Variants in CDH8 observed in about 807,000 individuals in gnomAD.
CDH8 encodes cadherin-8.
Under a neutral mutation model 68.1 loss-of-function variants are expected in CDH8, and 17 were observed. The ratio of observed to expected loss-of-function variants is 0.25; its 90% CI spans 0.17 to 0.37. The LOEUF (loss-of-function observed/expected upper bound fraction) is 0.37, where lower values mean the gene tolerates loss of function less well. CDH8 is among the 10% of genes least tolerant of loss of function. The pLI is 1.00. For missense variants in CDH8, 763 were observed against 999.3 expected (o/e 0.76, Z 3.19); for synonymous variants, 372 against 365.1 (o/e 1.02, Z -0.21).
At chr16:61,964,877 C>A (rs1965220229) in intron 2 of CDH8, among the ~76,000 whole-genome samples, 1 of 152,042 alleles carries the variant, frequency 6.6e-6, no homozygotes, top group Admixed American at 6.6e-5. Context: ...TGTTTAAAAT[C>A]TTTTGATTGC....
At chr16:61,738,962 C>T (rs1959785458) in intron 8 of CDH8, among the ~76,000 whole-genome samples, 1 of 152,044 alleles carries the variant, frequency 6.6e-6, no homozygotes, top group Admixed American at 6.6e-5. Context: ...TATTTCTATC[C>T]TGTTTACATA....
At chr16:61,980,110 T>C (rs1965505811) in intron 2 of CDH8, among the ~76,000 whole-genome samples, 1 of 152,188 alleles carries the variant, frequency 6.6e-6, no homozygotes, top group South Asian at 2.1e-4. Flanking sequence ...CACAGGGTTC[T>C]ACAGGGAAGA....
intron 8 of CDH8, among the ~76,000 whole-genome samples, chr16:61,766,088 C>T (rs1960582325): frequency 6.6e-6 from 1 of 151,782 alleles, no homozygotes; most frequent in African/African-American, 2.4e-5. Context: ...GCAACCATCA[C>T]CCAAGTAGTG....
chr16:62,010,653 T>C (rs1324642207), intron 2 of CDH8, among the ~76,000 whole-genome samples: 2 of 152,138 alleles, frequency 1.3e-5, no homozygotes, highest in Non-Finnish European at 2.9e-5. Flanking sequence ...TCTTTTTCTC[T>C]TGGGGGTAGG....
At chr16:61,675,898 TA>T (rs1326405706) in intron 10 of CDH8, among the ~76,000 whole-genome samples, 2 of 151,126 alleles carry the variant, frequency 1.3e-5, no homozygotes, top group Non-Finnish European at 3.0e-5. Context: ...TTAATAATAA[TA>T]AAAGAGCTAT....
At chr16:62,033,171 T>A (rs1429235779) in intron 1 of CDH8, among the ~76,000 whole-genome samples, 1 of 149,596 alleles carries the variant, frequency 6.7e-6, no homozygotes, top group South Asian at 2.1e-4. Flanking sequence ...CAGCTGAGCA[T>A]TCCTGGGCTG....
At chr16:62,014,595 C>T (rs1364372074) in intron 2 of CDH8, among the ~76,000 whole-genome samples, 3 of 152,228 alleles carry the variant, frequency 2.0e-5, no homozygotes, top group East Asian at 1.9e-4. Flanking sequence ...TCGCAGACAC[C>T]GTAAACTGTA....
At chr16:61,689,040 A>G (rs185727294) in intron 10 of CDH8, among the ~76,000 whole-genome samples, 3 of 152,140 alleles carry the variant, frequency 2.0e-5, no homozygotes, top group South Asian at 4.1e-4. Flanking sequence ...TTAACAGCCT[A>G]AAGTATAGAA....
At chr16:61,968,041 C>T (rs1045037872) in intron 2 of CDH8, among the ~76,000 whole-genome samples, 1 of 152,096 alleles carries the variant, frequency 6.6e-6, no homozygotes, top group Non-Finnish European at 1.5e-5. Context: ...AACTCCTGAC[C>T]TTGGGCGATC....
intron 10 of CDH8, among the ~76,000 whole-genome samples, chr16:61,707,616 G>T (rs183576632): frequency 2.0e-5 from 3 of 152,208 alleles, no homozygotes; most frequent in Admixed American, 2.0e-4. Context: ...GCACTTGGTA[G>T]GTGTTACTCA....
intron 8 of CDH8, among the ~76,000 whole-genome samples, chr16:61,730,576 TGTAAAGAATATCATG>T (rs1447615401): frequency 6.6e-6 from 1 of 151,624 alleles, no homozygotes; most frequent in Non-Finnish European, 1.5e-5. Flanking sequence ...TTTTTATAGC[TGTAAAGAATATCATG>T]GTACACAAAT....
chr16:61,721,125 C>A (rs1309903034), intron 9 of CDH8, among the ~76,000 whole-genome samples: 1 of 150,500 alleles, frequency 6.6e-6, no homozygotes, highest in Admixed American at 6.6e-5. Flanking sequence ...TATATATTCA[C>A]TTTGCTTTGC....
At chr16:61,960,053 A>G (rs867922985) in intron 2 of CDH8, among the ~76,000 whole-genome samples, 3 of 125,948 alleles carry the variant, frequency 2.4e-5, no homozygotes, top group South Asian at 2.7e-4. Context: ...ATATGTATGT[A>G]TGTGTGTGTG....
rs1232356964 is a variant in CDH8 at position 61,919,145 on chromosome 16, C to T, written c.253-17672G>A. Among the ~76,000 whole-genome samples the T allele has an allele frequency of 2.1e-5, 3 of 145,180 alleles. 1 individual carries two copies. Among genetic ancestry groups the T allele is most frequent in the Non-Finnish European group, 4.5e-5 (3 of 66,830 alleles). On this transcript the variant is annotated intron_variant, in intron 2 of 11. Transcript: ENST00000577390. Reference sequence around the variant, plus strand: ...AAAACTAACAAACAGAAAGGACATCCACACCGAAAACCCATCTGTACATCA... The same window carrying T: ...AAAACTAACAAACAGAAAGGACATCTACACCGAAAACCCATCTGTACATCA...
intron 7 of CDH8, among the ~76,000 whole-genome samples, chr16:61,809,367 T>G (rs966314568): frequency 6.6e-6 from 1 of 152,052 alleles, no homozygotes; most frequent in African/African-American, 2.4e-5. Context: ...TTCTCACTCA[T>G]AAGTGGGAGT....
At chr16:61,912,109 A>C (rs1964171727) in intron 2 of CDH8, among the ~76,000 whole-genome samples, 1 of 152,118 alleles carries the variant, frequency 6.6e-6, no homozygotes, top group Non-Finnish European at 1.5e-5. Context: ...GCACAGCGGG[A>C]AGGAACACAG....
intron 8 of CDH8, among the ~76,000 whole-genome samples, chr16:61,737,832 T>A (rs1453823983): frequency 6.6e-6 from 1 of 152,108 alleles, no homozygotes; most frequent in Admixed American, 6.5e-5. Flanking sequence ...CAAATACTTA[T>A]CAAAAAATGT....
At chr16:61,893,108 C>T (rs890947477) in intron 3 of CDH8, among the ~76,000 whole-genome samples, 1 of 152,140 alleles carries the variant, frequency 6.6e-6, no homozygotes, top group African/African-American at 2.4e-5. Flanking sequence ...TCCGAAGGAT[C>T]CTTCTAGGCC....
rs917122470 is a variant in CDH8 at position 61,652,582 on chromosome 16, G to T, written c.*1026C>A. 8.6e-6 allele frequency: 9 copies of T among 1,051,718 alleles called. No individual in the cohort carries two copies. The African/African-American group carries it at 1.3e-4, about 16-fold the overall frequency. 65.1% of individuals were successfully genotyped at this position (1,051,718 alleles called of 1,614,324 possible). ...TATTAGCTCTCCTTTCGATAATATT[G>T]CCTGCCATACTCATCTCATCAAAAT... On this transcript the variant is annotated 3_prime_UTR_variant, in exon 12 of 12. Transcript: ENST00000577390.
Sources: gnomAD v4.1 joint callset for allele counts (sites outside exome capture counted in the v4.1 genomes callset) on GRCh38, gnomAD v4.1.1 for gene constraint, MANE v1.5 for transcripts, NCBI Gene and HGNC (gene_info 2026-07-23, HGNC 2026-07-21) for gene names.